Variants in RPL9 observed in about 807,000 individuals in gnomAD.
RPL9 encodes the protein ribosomal protein L9.
For missense variants in RPL9, 149 were observed against 236.7 expected, an observed-to-expected ratio of 0.63 and a Z score of 2.43; for synonymous variants, 82 against 77.1, an observed-to-expected ratio of 1.06 and a Z score of -0.33.
At chr4:39,456,339 G>GA in intron 5 of RPL9, 67 bp downstream of exon 5, 1 of 1,556,706 alleles carries the variant, frequency 6.4e-7, no homozygotes. Context: ...TGGAAGTTGG[G>GA]AGTGGAAAAG....
chr4:39,455,922 A>T (rs1744068224), intron 5 of RPL9: 1 of 189,554 alleles, frequency 5.3e-6, no homozygotes, highest in Non-Finnish European at 1.1e-5. Context: ...GTGGACAGTG[A>T]GAGCTGAAAT....
chr4:39,458,084 A>T, intron 3 of RPL9, 110 bp downstream of exon 3: 5 of 1,064,242 alleles, frequency 4.7e-6, no homozygotes, highest in Non-Finnish European at 7.1e-6. Flanking sequence ...AGCAACATTT[A>T]AAGCTGAAGC....
chr4:39,457,974 G>C (rs962136705), intron 3 of RPL9: 3 of 686,240 alleles, frequency 4.4e-6, no homozygotes, highest in Non-Finnish European at 7.9e-6. Flanking sequence ...ACACCATTAA[G>C]ACGTGTCACT....
chr4:39,454,727 C>G, intron 6 of RPL9, 78 bp from the exon 7 acceptor site: 1 of 1,462,388 alleles, frequency 6.8e-7, no homozygotes, highest in Non-Finnish European at 9.3e-7. Flanking sequence ...ATGTGCTGTA[C>G]TTAAAATTTC....
chr4:39,455,390 A>AC (rs1467832140), intron 5 of RPL9: 2 of 135,088 alleles, frequency 1.5e-5, no homozygotes, highest in Non-Finnish European at 3.1e-5. Context: ...CCTTCTTCCC[A>AC]CCCCTCCCCA....
chr4:39,457,703 AT>A (rs1744164987), intron 3 of RPL9, 22 bp from the exon 4 acceptor site: 38 of 1,591,860 alleles, frequency 2.4e-5, no homozygotes, highest in Non-Finnish European at 3.3e-5. Context: ...CAAAAAATGT[AT>A]TCTTTCCAGA....
In RPL9 at chr4:39,458,615, C is replaced by G. The variant is rs897762954; in HGVS notation, c.-1-175G>C. 112 of 660,966 alleles carry G rather than the reference C, an allele frequency of 1.7e-4. 1 individual carries two copies. The African/African-American group carries it at 1.8e-3, about 11-fold the overall frequency. 40.9% of individuals were successfully genotyped at this position (660,966 alleles called of 1,614,324 possible). On this transcript the variant is annotated intron_variant, in intron 1 of 7. Transcript: ENST00000295955. The stretch of plus-strand genomic sequence containing the variant: ...TGTCCCAGCCTGGAAGGAGCAGCCC[C>G]AAAGCGAGAATTACGAGGCCCAGCA...
Position 39,456,444 on chromosome 4 carries a change from A to G in RPL9, c.353T>C (p.Leu118Ser). 1 of 1,614,186 alleles carries G rather than the reference A, an allele frequency of 6.2e-7. No individual in the cohort carries two copies. The highest frequency in any genetic ancestry group is 2.2e-5 in the East Asian group (1 of 44,878). The change falls in exon 5 of 8, where the codon TTG (leucine) becomes TCG (serine). Residue 118 changes from leucine (L) to serine (S), a missense_variant. Coordinates refer to ENST00000295955, the MANE Select transcript of RPL9 (RefSeq NM_000661.5). ...NGSLVEIRNF[L>S]GEKYIRRVRM... The stretch of plus-strand genomic sequence containing the variant: ...AACCCTGCGGATATATTTTTCACCC[A>G]AGAAATTTCGGATTTCAACAAGAGA...
Position 39,458,907 on chromosome 4 carries a change from C to T in RPL9, c.-18G>A. On this transcript the variant is annotated 5_prime_UTR_variant, in exon 1 of 8. Coordinates refer to ENST00000295955, the MANE Select transcript of RPL9 (RefSeq NM_000661.5). Reference sequence around the variant, plus strand: ...CATCCTTACCTCGCAGTAGACGCAGCAAAGAAAGAACGTCTGTCGTCATTA... The same window carrying T: ...CATCCTTACCTCGCAGTAGACGCAGTAAAGAAAGAACGTCTGTCGTCATTA... 1 of 708,512 alleles carries T rather than the reference C, an allele frequency of 1.4e-6. No homozygotes were observed. The highest frequency in any genetic ancestry group is 1.5e-5 in the South Asian group (1 of 67,348). The allele number at this position is 708,512 out of a possible 1,614,324, so 43.9% of individuals were successfully genotyped here.
Position 39,456,470 on chromosome 4 carries a change from C to A in RPL9, c.327G>T (p.Gly109=). 6.2e-7 allele frequency: 1 copy of A among 1,614,064 alleles called. No homozygotes were observed. Among genetic ancestry groups the A allele is most frequent in the Non-Finnish European group, 8.5e-7 (1 of 1,179,920 alleles). Residue 109 remains glycine (G), a synonymous_variant, in exon 5 of 8, where the codon GGG becomes GGT. Coordinates refer to ENST00000295955, the MANE Select transcript of RPL9 (RefSeq NM_000661.5). ...AGAAATTTCGGATTTCAACAAGAGA[C>A]CCATTCTCCTGGATAACAACGTTGA... The part of the protein sequence containing the change: ...FPINVVIQEN[G]SLVEIRNFLG...
Position 39,457,578 on chromosome 4 carries a change from C to A in RPL9, c.258+8G>T. Reference sequence around the variant, plus strand: ...TCCAAAACAAGGAAGTCTGATACATCTGCTTACCAGTGTAACACCCTTGAT... The same window carrying A: ...TCCAAAACAAGGAAGTCTGATACATATGCTTACCAGTGTAACACCCTTGAT... On this transcript the variant is annotated splice_region_variant and intron_variant, in intron 4 of 7. Transcript: ENST00000295955. The A allele has an allele frequency of 6.2e-7, 1 of 1,609,750 alleles. No homozygotes were observed. Among genetic ancestry groups the A allele is most frequent in the Non-Finnish European group, 8.5e-7 (1 of 1,176,156 alleles).
At position 39,458,920 on chromosome 4, in the gene RPL9, T is replaced by C. The variant is rs187943580; in HGVS notation, c.-31A>G. The C allele has an allele frequency of 5.8e-4, 417 of 715,524 alleles. 3 individuals carry two copies. Among genetic ancestry groups the C allele is most frequent in the African/African-American group, 5.6e-3 (321 of 57,622 alleles). 44.3% of individuals were successfully genotyped at this position (715,524 alleles called of 1,614,324 possible). ...CAGTAGACGCAGCAAAGAAAGAACG[T>C]CTGTCGTCATTACGTACTTGTATCG... On this transcript the variant is annotated 5_prime_UTR_variant, in exon 1 of 8. Transcript: ENST00000295955.
At position 39,456,585 on chromosome 4, in the gene RPL9, T is replaced by G. The variant is rs1276635770; in HGVS notation, c.259-47A>C. ...GCTATTAGCAATGCTGAGGAATATT[T>G]TTAATAGTTTTAAAATTTTCTAAGA... On this transcript the variant is annotated intron_variant, in intron 4 of 7. Transcript: ENST00000295955. 4 of 1,583,638 alleles carry G rather than the reference T, an allele frequency of 2.5e-6. No homozygotes were observed. The African/African-American group carries it at 5.5e-5, about 22-fold the overall frequency.
In RPL9 at chr4:39,457,528, A is replaced by C. The variant is rs186308812; in HGVS notation, c.258+58T>G. 18 of 1,351,868 alleles carry C rather than the reference A, an allele frequency of 1.3e-5. No individual in the cohort carries two copies. In the East Asian group the frequency reaches 3.2e-4, roughly 24 times the overall value. The allele number at this position is 1,351,868 out of a possible 1,614,324, so 83.7% of individuals were successfully genotyped here. ...TGAAAGAGACACTTACGCTGTATAA[A>C]GCACAGGTTTGAGAAACCTCCCTTT... On this transcript the variant is annotated intron_variant, in intron 4 of 7. Transcript: ENST00000295955.
intron 7 of RPL9, 130 bp from the exon 8 acceptor site, chr4:39,454,355 A>G: frequency 1.8e-6 from 1 of 568,278 alleles, no homozygotes; most frequent in East Asian, 3.0e-5. Context: ...GATTCATAGT[A>G]AACTATACGT....
At chr4:39,455,272 C>T (rs1560658978) in intron 5 of RPL9, 1 of 202,356 alleles carries the variant, frequency 4.9e-6, no homozygotes, top group Non-Finnish European at 9.9e-6. Context: ...CGCTTGAAGC[C>T]AGGAGGCAGG....
intron 4 of RPL9, 118 bp downstream of exon 4, chr4:39,457,468 C>A (rs1164799267): frequency 1.2e-6 from 1 of 867,048 alleles, no homozygotes; most frequent in South Asian, 1.5e-5. Flanking sequence ...CAAGTTCTTG[C>A]GTATTACACC....
intron 3 of RPL9, 86 bp from the exon 4 acceptor site, chr4:39,457,767 T>C: frequency 1.1e-5 from 12 of 1,135,480 alleles, no homozygotes; most frequent in Non-Finnish European, 6.6e-6. Context: ...TTTAAGATTC[T>C]AGAATTAACC....
Sources: allele counts gnomAD v4.1 joint callset, GRCh38; gene constraint gnomAD v4.1.1; transcripts MANE v1.5; gene names NCBI Gene and HGNC (gene_info 2026-07-23, HGNC 2026-07-21).